The following STPG2 variants were observed in gnomAD, a reference collection of about 807,000 sequenced individuals.
STPG2 encodes sperm tail PG-rich repeat containing 2.
In STPG2, 56 loss-of-function variants were observed where a neutral mutation model predicts 54.2. The ratio of observed to expected loss-of-function variants is 1.03; its 90% CI spans 0.83 to 1.29. STPG2 has a LOEUF of 1.29. STPG2 is among the 50% of genes most tolerant of loss of function. The pLI is 0.00. For missense variants in STPG2, 596 were observed against 544.9 expected, an observed-to-expected ratio of 1.09 and a Z score of -0.93; for synonymous variants, 200 against 181.8, an observed-to-expected ratio of 1.10 and a Z score of -0.81.
intron 5 of STPG2, among the ~76,000 whole-genome samples, chr4:98,013,774 C>T (rs1735835712): frequency 7.9e-6 from 1 of 126,430 alleles, no homozygotes; most frequent in African/African-American, 3.1e-5. Flanking sequence ...TTATAGTATT[C>T]TCTGATGATT....
At chr4:98,077,407 TA>T (rs1364748437) in intron 5 of STPG2, among the ~76,000 whole-genome samples, 1 of 152,158 alleles carries the variant, frequency 6.6e-6, no homozygotes, top group African/African-American at 2.4e-5. Context: ...CACGCCCGCC[TA>T]ATTTTTTGTA....
At chr4:98,077,593 C>T (rs922790022) in intron 5 of STPG2, among the ~76,000 whole-genome samples, 2 of 151,954 alleles carry the variant, frequency 1.3e-5, no homozygotes, top group African/African-American at 4.8e-5. Flanking sequence ...AGAATTAGTG[C>T]CCCACAACCT....
chr4:97,825,928 G>A (rs1313739845), intron 9 of STPG2, among the ~76,000 whole-genome samples: 1 of 152,160 alleles, frequency 6.6e-6, no homozygotes, highest in Non-Finnish European at 1.5e-5. Flanking sequence ...GGCAGGTGAT[G>A]TATTAGTTTG....
intron 5 of STPG2, among the ~76,000 whole-genome samples, chr4:98,071,387 C>T (rs771418023): frequency 6.6e-6 from 1 of 152,140 alleles, no homozygotes; most frequent in African/African-American, 2.4e-5. Context: ...GAAACTGGGC[C>T]CCTTCCTTAC....
intron 4 of STPG2, among the ~76,000 whole-genome samples, chr4:97,511,383 A>G (rs1578353279): frequency 6.6e-6 from 1 of 152,066 alleles, no homozygotes; most frequent in Non-Finnish European, 1.5e-5. Flanking sequence ...TCATAAGGAT[A>G]CAATAATAAT....
intron 9 of STPG2, among the ~76,000 whole-genome samples, chr4:97,767,829 T>C (rs954873617): frequency 6.6e-6 from 1 of 152,096 alleles, no homozygotes; most frequent in African/African-American, 2.4e-5. Context: ...TAACAGAGGT[T>C]AAGAGTCAAG....
chr4:98,108,614 T>C (rs997586199), intron 4 of STPG2, among the ~76,000 whole-genome samples: 1 of 152,146 alleles, frequency 6.6e-6, no homozygotes, highest in Non-Finnish European at 1.5e-5. Context: ...TGATCTTTTA[T>C]CTACTTTATA....
chr4:97,987,538 C>T (rs1169704261), intron 5 of STPG2, among the ~76,000 whole-genome samples: 1 of 151,922 alleles, frequency 6.6e-6, no homozygotes, highest in Admixed American at 6.6e-5. Flanking sequence ...TATTCTTAGT[C>T]ATATAAATAA....
intron 5 of STPG2, among the ~76,000 whole-genome samples, chr4:98,017,191 G>A (rs373461853): frequency 5.1e-4 from 77 of 152,346 alleles, no homozygotes; most frequent in East Asian, 9.7e-4. Context: ...GGCCTAGAGC[G>A]TGGATCTGCA....
intron 10 of STPG2, among the ~76,000 whole-genome samples, chr4:97,695,753 G>GAA (rs764861444): frequency 7.6e-6 from 1 of 131,214 alleles, no homozygotes. Flanking sequence ...AAAACAGATG[G>GAA]AAAAAAAAAA....
At chr4:97,452,152 C>T (rs944319674) in intron 4 of STPG2, among the ~76,000 whole-genome samples, 1 of 137,004 alleles carries the variant, frequency 7.3e-6, no homozygotes, top group South Asian at 2.7e-4. Flanking sequence ...AGCACAGCTG[C>T]AGCTGTAGCT....
At chr4:97,525,005 T>C (rs954707778) in intron 4 of STPG2, among the ~76,000 whole-genome samples, 2 of 151,906 alleles carry the variant, frequency 1.3e-5, no homozygotes, top group East Asian at 3.9e-4. Context: ...ACATACTATA[T>C]TTCATAGAGA....
intron 10 of STPG2, among the ~76,000 whole-genome samples, chr4:97,574,067 C>T (rs770714541): frequency 2.0e-5 from 3 of 152,106 alleles, no homozygotes; most frequent in Non-Finnish European, 2.9e-5. Context: ...AACACATTTA[C>T]TAATTCCAGG....
chr4:97,813,974 C>T (rs112598240), intron 9 of STPG2, among the ~76,000 whole-genome samples: 3,091 of 152,012 alleles, frequency 0.02, 98 homozygotes, highest in African/African-American at 0.071. Context: ...TTTATTCCAG[C>T]ATATCAAGTT....
chr4:97,580,542 CTCTCTG>C (rs1348996881), intron 10 of STPG2, among the ~76,000 whole-genome samples: 1 of 151,838 alleles, frequency 6.6e-6, no homozygotes, highest in African/African-American at 2.4e-5. Flanking sequence ...CTGTCTCTGT[CTCTCTG>C]TCTCTGTCTC....
intron 5 of STPG2, among the ~76,000 whole-genome samples, chr4:97,994,736 G>GATTGT (rs1735148203): frequency 6.6e-6 from 1 of 152,134 alleles, no homozygotes; most frequent in Non-Finnish European, 1.5e-5. Context: ...GAGGGTCCTT[G>GATTGT]ATTGTATTTT....
intron 4 of STPG2, among the ~76,000 whole-genome samples, chr4:97,536,723 G>A (rs577301056): frequency 6.6e-6 from 1 of 152,238 alleles, no homozygotes; most frequent in East Asian, 1.9e-4. Context: ...GCTGGAAGAG[G>A]CCTGTGGATG....
At chr4:97,665,733 G>T (rs922376405) in intron 10 of STPG2, among the ~76,000 whole-genome samples, 1 of 152,024 alleles carries the variant, frequency 6.6e-6, no homozygotes, top group African/African-American at 2.4e-5. Context: ...ATGCGGAGGG[G>T]TACCTGCAGA....
intron 5 of STPG2, among the ~76,000 whole-genome samples, chr4:98,032,444 C>T (rs1736626723): frequency 6.6e-6 from 1 of 151,892 alleles, no homozygotes; most frequent in African/African-American, 2.4e-5. Context: ...GAGATACCAT[C>T]TAACACAAGT....
Sources: allele counts gnomAD v4.1 joint callset (sites outside exome capture counted in the v4.1 genomes callset), GRCh38; gene constraint gnomAD v4.1.1; transcripts MANE v1.5; gene names NCBI Gene and HGNC (gene_info 2026-07-23, HGNC 2026-07-21).